Variants in SLC39A11 observed in about 807,000 individuals in gnomAD.
SLC39A11 encodes the protein zinc transporter ZIP11.
SLC39A11 carries 33 observed loss-of-function variants against 36.1 expected under a neutral mutation model. The ratio of observed to expected loss-of-function variants is 0.91; its 90% confidence interval spans 0.69 to 1.22. The LOEUF is 1.22. SLC39A11 is among the 50% of genes most tolerant of loss of function. The pLI, the probability that SLC39A11 is intolerant of heterozygous loss-of-function variation, is 0.00. For synonymous variants in SLC39A11, 166 were observed against 170.3 expected (o/e 0.97, Z 0.20); for missense variants, 432 against 430.3 (o/e 1.00, Z -0.03).
chr17:72,656,138 G>A (rs1336545616), intron 7 of SLC39A11, among the ~76,000 whole-genome samples: 3 of 152,166 alleles, frequency 2.0e-5, no homozygotes, highest in Non-Finnish European at 2.9e-5. Flanking sequence ...TCCTTTCCAG[G>A]ATGGGCCATG....
intron 7 of SLC39A11, among the ~76,000 whole-genome samples, chr17:72,690,517 T>C (rs999738037): frequency 6.6e-6 from 1 of 152,220 alleles, no homozygotes; most frequent in Non-Finnish European, 1.5e-5. Flanking sequence ...CACATGTGCA[T>C]GGCAGCATTA....
At chr17:72,956,541 A>T (rs907772624) in intron 4 of SLC39A11, among the ~76,000 whole-genome samples, 4 of 152,256 alleles carry the variant, frequency 2.6e-5, no homozygotes, top group African/African-American at 9.6e-5. Context: ...TCCTTAAAAC[A>T]GTAACAGAAA....
At chr17:73,089,238 A>G (rs755003811) in intron 1 of SLC39A11, among the ~76,000 whole-genome samples, 1 of 151,970 alleles carries the variant, frequency 6.6e-6, no homozygotes, top group African/African-American at 2.4e-5. Context: ...AATCCCCATC[A>G]CATCTGCAAC....
intron 4 of SLC39A11, among the ~76,000 whole-genome samples, chr17:73,013,495 A>G (rs1273508607): frequency 6.6e-6 from 1 of 152,188 alleles, no homozygotes; most frequent in Non-Finnish European, 1.5e-5. Context: ...TGTGTTGCAA[A>G]AGCAGCTGCA....
intron 4 of SLC39A11, among the ~76,000 whole-genome samples, chr17:73,029,203 C>A (rs184884025): frequency 6.6e-6 from 1 of 152,106 alleles, no homozygotes; most frequent in East Asian, 1.9e-4. Flanking sequence ...TACATTCAGA[C>A]AGCTGACCAA....
chr17:73,077,380 C>T (rs572746017), intron 3 of SLC39A11, among the ~76,000 whole-genome samples: 2 of 152,298 alleles, frequency 1.3e-5, no homozygotes, highest in African/African-American at 4.8e-5. Context: ...TGCAATGGCA[C>T]GATCTTGGCT....
At chr17:72,955,588 C>T (rs1429500255) in intron 4 of SLC39A11, among the ~76,000 whole-genome samples, 1 of 151,372 alleles carries the variant, frequency 6.6e-6, no homozygotes, top group Non-Finnish European at 1.5e-5. Context: ...GGATTACAGG[C>T]GTGAGCCGCA....
intron 6 of SLC39A11, among the ~76,000 whole-genome samples, chr17:72,805,142 T>C (rs775320963): frequency 6.6e-6 from 1 of 152,168 alleles, no homozygotes; most frequent in African/African-American, 2.4e-5. Flanking sequence ...CCCTCCTGTG[T>C]GTGTAAATAT....
chr17:72,775,772 T>C (rs925930825), intron 6 of SLC39A11, among the ~76,000 whole-genome samples: 6 of 152,174 alleles, frequency 3.9e-5, no homozygotes, highest in Admixed American at 3.3e-4. Flanking sequence ...TTCCCTTCTC[T>C]GGGGTCCAGC....
chr17:72,902,341 G>C (rs2082437531), intron 5 of SLC39A11, among the ~76,000 whole-genome samples: 2 of 151,110 alleles, frequency 1.3e-5, no homozygotes, highest in African/African-American at 2.4e-5. Context: ...GACATCAAAA[G>C]CAGAGACTGG....
At chr17:73,087,728 C>A (rs1599239683) in intron 2 of SLC39A11, among the ~76,000 whole-genome samples, 1 of 151,618 alleles carries the variant, frequency 6.6e-6, no homozygotes, top group African/African-American at 2.4e-5. Context: ...GGCTGTGGGG[C>A]CATGACAGTG....
At chr17:72,860,763 G>A (rs2079935914) in intron 5 of SLC39A11, among the ~76,000 whole-genome samples, 1 of 152,216 alleles carries the variant, frequency 6.6e-6, no homozygotes, top group African/African-American at 2.4e-5. Context: ...CTGGGGGACT[G>A]AGAACCTGGG....
Position 72,656,593 on chromosome 17 carries a change from G to A in SLC39A11, c.672-7325C>T, listed in dbSNP as rs558185050. Among the ~76,000 whole-genome samples the A allele has an allele frequency of 3.3e-5, 5 of 151,908 alleles. No homozygotes were observed. The East Asian group carries it at 9.7e-4, about 30-fold the overall frequency. On this transcript the variant is annotated intron_variant, in intron 7 of 9. Transcript: ENST00000255559. The stretch of plus-strand genomic sequence containing the variant: ...GGGGAGGAGGATGACTCCTGGGGTT[G>A]GGCTGCACCAGCAAGGACAAGAGCA...
intron 6 of SLC39A11, among the ~76,000 whole-genome samples, chr17:72,803,165 A>G (rs969382139): frequency 1.6e-4 from 24 of 152,364 alleles, no homozygotes; most frequent in Admixed American, 2.0e-4. Context: ...CGCGCCTCTG[A>G]GGCAACTGGG....
rs1217344340 is a variant in SLC39A11 at position 72,943,168 on chromosome 17, C to T, written c.430+4584G>A. ...GAGCAACTGAACTCCATCGTGTTCC[C>T]GAACAGGACAAGCCCTGGGGTTGCT... is the stretch of plus-strand genomic sequence containing the variant. On this transcript the variant is annotated intron_variant, in intron 5 of 9. Transcript: ENST00000255559. Among the ~76,000 whole-genome samples the T allele has an allele frequency of 4.6e-5, 7 of 152,112 alleles. 1 individual carries two copies. The highest frequency in any genetic ancestry group is 2.6e-4 in the Admixed American group (4 of 15,268).
chr17:72,836,354 TTTTTGAGAC>T (rs2078544228), intron 6 of SLC39A11, among the ~76,000 whole-genome samples: 1 of 151,518 alleles, frequency 6.6e-6, no homozygotes, highest in Admixed American at 6.6e-5. Context: ...GGCTTTTTTT[TTTTTGAGAC>T]AGGGTCTCGC....
At chr17:72,729,441 ATATATATATATATATATTTTTTT>A (rs1347248360) in intron 7 of SLC39A11, among the ~76,000 whole-genome samples, 6 of 2,236 alleles carry the variant, frequency 2.7e-3, no homozygotes, top group African/African-American at 9.2e-3. Context: ...ATATATATAT[ATATATATATATATATATTTTTTT>A]TTTTTTTTTT....
chr17:72,959,589 G>A (rs1353149888), intron 4 of SLC39A11, among the ~76,000 whole-genome samples: 1 of 151,674 alleles, frequency 6.6e-6, no homozygotes, highest in Non-Finnish European at 1.5e-5. Flanking sequence ...AGAGGGAGGA[G>A]GGATAAAAGA....
intron 5 of SLC39A11, among the ~76,000 whole-genome samples, chr17:72,851,014 A>G (rs999732610): frequency 4.6e-5 from 7 of 152,036 alleles, no homozygotes; most frequent in Admixed American, 2.6e-4. Context: ...CTCTGCCACA[A>G]TGGAACGAGG....
Sources: allele counts gnomAD v4.1 joint callset (sites outside exome capture counted in the v4.1 genomes callset), GRCh38; gene constraint gnomAD v4.1.1; transcripts MANE v1.5; gene names NCBI Gene and HGNC (gene_info 2026-07-23, HGNC 2026-07-21).